MAPKAPK2: variants seen among roughly 807,000 people sequenced by gnomAD.
MAPKAPK2 encodes MAP kinase-activated protein kinase 2.
Under a neutral mutation model 48.8 loss-of-function variants are expected in MAPKAPK2, and 9 were observed. That is an observed-to-expected ratio of 0.18 (90% confidence interval 0.11 to 0.32). MAPKAPK2 has a LOEUF of 0.32. Among genes scored for constraint, MAPKAPK2 ranks in the 10% least tolerant of loss-of-function variants. MAPKAPK2 has a pLI of 1.00. For missense variants in MAPKAPK2, 331 were observed against 498.3 expected (o/e 0.66, Z 3.20); for synonymous variants, 202 against 190.6 (o/e 1.06, Z -0.49).
chr1:206,685,602 G>T (rs1205480274), intron 1 of MAPKAPK2, 94 bp downstream of exon 1: 103 of 1,025,382 alleles, frequency 1.0e-4, no homozygotes, highest in Non-Finnish European at 1.2e-4. Context: ...GTCGCGGCGC[G>T]GGGCGGAGGG....
intron 1 of MAPKAPK2, among the ~76,000 whole-genome samples, chr1:206,717,326 A>G (rs1482901145): frequency 6.6e-6 from 1 of 152,212 alleles, no homozygotes; most frequent in Non-Finnish European, 1.5e-5. Context: ...TATTTGCTAT[A>G]TATAAAGTGC....
intron 1 of MAPKAPK2, among the ~76,000 whole-genome samples, chr1:206,710,667 T>G (rs1028277582): frequency 1.3e-5 from 2 of 152,038 alleles, no homozygotes; most frequent in Non-Finnish European, 2.9e-5. Context: ...CCAGAGGAGG[T>G]GACACTGCAG....
Position 206,685,337 on chromosome 1 carries a change from G to A in MAPKAPK2, c.108G>A (p.Pro36=). ...TGCCGCACCCCCCGGCGCAGCCGCCGCCGCCGCCCCCGCAGCAGTTCCCGC... is the reference window on the plus strand; with the variant it reads ...TGCCGCACCCCCCGGCGCAGCCGCCACCGCCGCCCCCGCAGCAGTTCCCGC... ...PALPHPPAQP[P]PPPPQQFPQF... is the part of the protein sequence containing the mutation. The change falls in exon 1 of 10, where the codon CCG becomes CCA. Residue 36 remains proline, a synonymous_variant. Transcript: ENST00000367103. The A allele has an allele frequency of 8.2e-7, 1 of 1,212,644 alleles. No homozygotes were observed. The highest frequency in any genetic ancestry group is 1.1e-6 in the Non-Finnish European group (1 of 923,448). 75.1% of individuals were successfully genotyped at this position (1,212,644 alleles called of 1,614,324 possible). A position where few individuals can be genotyped will look rare whatever the true frequency, so the allele number is the denominator to read the frequency against.
intron 1 of MAPKAPK2, among the ~76,000 whole-genome samples, chr1:206,691,844 C>T (rs1672471062): frequency 6.6e-6 from 1 of 152,152 alleles, no homozygotes; most frequent in Admixed American, 6.5e-5. Context: ...AGCTTAGTGC[C>T]TGGCTCCAGG....
At chr1:206,702,387 G>A (rs1017338273) in intron 1 of MAPKAPK2, among the ~76,000 whole-genome samples, 3 of 152,178 alleles carry the variant, frequency 2.0e-5, no homozygotes, top group African/African-American at 4.8e-5. Flanking sequence ...GGGCTCTAGG[G>A]AGATGCAGAG....
chr1:206,724,420 G>A (rs1243292023), intron 1 of MAPKAPK2, among the ~76,000 whole-genome samples: 2 of 152,154 alleles, frequency 1.3e-5, no homozygotes, highest in Non-Finnish European at 2.9e-5. Context: ...GGCACTTCAG[G>A]GCTGTGCCCC....
Position 206,729,968 on chromosome 1 carries a change from G to A in MAPKAPK2, c.565-4G>A, listed in dbSNP as rs1553432388. On this transcript the variant is annotated splice_region_variant and splice_polypyrimidine_tract_variant and intron_variant, in intron 4 of 9. Coordinates refer to ENST00000367103, the MANE Select transcript of MAPKAPK2 (RefSeq NM_032960.4). Reference sequence around the variant, plus strand: ...TTGCTATTTTTCTGTCTCTCTTTCTGTAGCCTGAGAATCTCTTATACACCT... The same window carrying A: ...TTGCTATTTTTCTGTCTCTCTTTCTATAGCCTGAGAATCTCTTATACACCT... 6.2e-7 allele frequency: 1 copy of A among 1,614,202 alleles called. No individual in the cohort carries two copies. The highest frequency in any genetic ancestry group is 2.2e-5 in the East Asian group (1 of 44,886).
intron 1 of MAPKAPK2, among the ~76,000 whole-genome samples, chr1:206,717,613 C>T (rs1553430564): frequency 6.6e-6 from 1 of 152,142 alleles, no homozygotes; most frequent in African/African-American, 2.4e-5. Flanking sequence ...CAAGTGTGGC[C>T]TCTGACCTAG....
At position 206,731,037 on chromosome 1, in the gene MAPKAPK2, A is replaced by G; in HGVS notation, c.768-101A>G. 1 of 1,494,588 alleles carries G rather than the reference A, an allele frequency of 6.7e-7. No homozygotes were observed. Among genetic ancestry groups the G allele is most frequent in the East Asian group, 2.3e-5 (1 of 44,048 alleles). The allele number at this position is 1,494,588 out of a possible 1,614,324, so 92.6% of individuals were successfully genotyped here. On this transcript the variant is annotated intron_variant, in intron 6 of 9. Transcript: ENST00000367103. The surrounding 1 kb of genome is among the most constrained non-coding windows in gnomAD (Gnocchi z 5.9). ...GTCAATAAGCCCTGATTTCTCTGTG[A>G]CCTTTACAAGGAGAAGAGCCTGTTT...
Position 206,734,120 on chromosome 1 carries a change from G to A in MAPKAPK2, c.*1402G>A, listed in dbSNP as rs1424216312. The stretch of plus-strand genomic sequence containing the variant: ...TACTTCACCTTTCCTCTCCCTCAGG[G>A]GCAGGTGGTGGAGGGGCGCCCAGGG... On this transcript the variant is annotated 3_prime_UTR_variant, in exon 10 of 10. Transcript: ENST00000367103. 6.5e-6 allele frequency: 1 copy of A among 152,800 alleles called. No individual in the cohort carries two copies. Among genetic ancestry groups the A allele is most frequent in the African/African-American group, 2.4e-5 (1 of 41,472 alleles). The allele number at this position is 152,800 out of a possible 1,614,324, so 9.5% of individuals were successfully genotyped here.
In MAPKAPK2 at chr1:206,729,211, C is replaced by G. The variant is rs577972159; in HGVS notation, c.484+112C>G. The G allele has an allele frequency of 3.1e-5, 39 of 1,242,064 alleles. No homozygotes were observed. The African/African-American group carries it at 5.6e-4, about 18-fold the overall frequency. The allele number at this position is 1,242,064 out of a possible 1,614,324, so 76.9% of individuals were successfully genotyped here. On this transcript the variant is annotated intron_variant, in intron 3 of 9. Coordinates refer to ENST00000367103, the MANE Select transcript of MAPKAPK2 (RefSeq NM_032960.4). ...AAGGGTGCTGAGGCTGCTGCCCCCT[C>G]CAGCATGCTGCAAGGGGTGCCTCAG...
At position 206,685,350 on chromosome 1, in the gene MAPKAPK2, C is replaced by G; in HGVS notation, c.121C>G (p.Gln41Glu). The change falls in exon 1 of 10, where the codon CAG becomes GAG. Residue 41 changes from glutamine (Q) to glutamate (E), a missense_variant. This residue lies in a region of MAPKAPK2 where 93 missense variants were observed against 81.0 expected (regional missense o/e 1.15). Transcript: ENST00000367103. ...PPAQPPPPPP[Q>E]QFPQFHVKSG... is the part of the protein sequence containing the mutation. ...GGCGCAGCCGCCGCCGCCGCCCCCGCAGCAGTTCCCGCAGTTCCACGTCAA... is the reference window on the plus strand; with the variant it reads ...GGCGCAGCCGCCGCCGCCGCCCCCGGAGCAGTTCCCGCAGTTCCACGTCAA... 1 of 1,498,996 alleles carries G rather than the reference C, an allele frequency of 6.7e-7. No homozygotes were observed. The highest frequency in any genetic ancestry group is 9.0e-7 in the Non-Finnish European group (1 of 1,116,528). 92.9% of individuals were successfully genotyped at this position (1,498,996 alleles called of 1,614,324 possible).
rs1022010181 is a variant in MAPKAPK2, at chr1:206,730,566, C to T, written c.692-122C>T. 7.3e-6 allele frequency: 6 copies of T among 817,406 alleles called. No individual in the cohort carries two copies. In the Admixed American group the frequency reaches 1.2e-4, roughly 16 times the overall value. 50.6% of individuals were successfully genotyped at this position (817,406 alleles called of 1,614,324 possible). On this transcript the variant is annotated intron_variant, in intron 5 of 9. Transcript: ENST00000367103. ...TGGGCTTTGGCTCTTCCTTCTGTGCCCCAACTGCTGCCACCTCATGATAGG... is the reference window on the plus strand; with the variant it reads ...TGGGCTTTGGCTCTTCCTTCTGTGCTCCAACTGCTGCCACCTCATGATAGG...
Position 206,729,024 on chromosome 1 carries a change from C to T in MAPKAPK2, c.420-11C>T. 2.5e-6 allele frequency: 4 copies of T among 1,614,062 alleles called. No homozygotes were observed. Among genetic ancestry groups the T allele is most frequent in the Non-Finnish European group, 3.4e-6 (4 of 1,179,926 alleles). Reference sequence around the variant, plus strand: ...TTGTGTTCTCTGGATCTCACTGTGGCTTCATTTCAGTTTGGACGGTGGAGA... The same window carrying T: ...TTGTGTTCTCTGGATCTCACTGTGGTTTCATTTCAGTTTGGACGGTGGAGA... On this transcript the variant is annotated splice_polypyrimidine_tract_variant and intron_variant, in intron 2 of 9. Coordinates refer to ENST00000367103, the MANE Select transcript of MAPKAPK2 (RefSeq NM_032960.4).
chr1:206,703,320 A>C (rs1047116736), intron 1 of MAPKAPK2, among the ~76,000 whole-genome samples: 5 of 152,256 alleles, frequency 3.3e-5, no homozygotes, highest in Non-Finnish European at 5.9e-5. Context: ...AATCCTGCCC[A>C]GTTAGAGAAG....
intron 1 of MAPKAPK2, among the ~76,000 whole-genome samples, chr1:206,705,018 T>G (rs1553428369): frequency 6.6e-6 from 1 of 152,224 alleles, no homozygotes; most frequent in East Asian, 1.9e-4. Context: ...TCTGTTTAAC[T>G]TTGTTTAACC....
At chr1:206,729,127 T>TGCAG (rs782077753) in intron 3 of MAPKAPK2, 28 bp downstream of exon 3, 153 of 1,610,928 alleles carry the variant, frequency 9.5e-5, no homozygotes, top group Non-Finnish European at 1.3e-4. Context: ...TGGGAGCACG[T>TGCAG]GCAGGCAGGC....
At position 206,731,623 on chromosome 1, in the gene MAPKAPK2, C is replaced by A. The variant is rs782141724; in HGVS notation, c.893-17C>A. 2 of 1,603,968 alleles carry A rather than the reference C, an allele frequency of 1.2e-6. No individual in the cohort carries two copies. The highest frequency in any genetic ancestry group is 1.1e-5 in the South Asian group (1 of 90,864). On this transcript the variant is annotated splice_polypyrimidine_tract_variant and intron_variant, in intron 7 of 9. Coordinates refer to ENST00000367103, the MANE Select transcript of MAPKAPK2 (RefSeq NM_032960.4). The surrounding 1 kb of genome is among the most constrained non-coding windows in gnomAD (Gnocchi z 5.9). Reference sequence around the variant, plus strand: ...AGTGACCCCTGAGCTGTCACTGCCCCCTGTCCCACCCCACAGTGAAGATGC... The same window carrying A: ...AGTGACCCCTGAGCTGTCACTGCCCACTGTCCCACCCCACAGTGAAGATGC...
intron 1 of MAPKAPK2, among the ~76,000 whole-genome samples, chr1:206,723,531 G>T (rs4845131): frequency 0.48 from 73,586 of 151,902 alleles, 18,027 homozygotes; most frequent in East Asian, 0.61. Context: ...TGTGAAGGGG[G>T]TCCTCCTGAG....
Sources: allele counts gnomAD v4.1 joint callset (sites outside exome capture counted in the v4.1 genomes callset), GRCh38; gene constraint gnomAD v4.1.1; regional missense constraint gnomAD v4.1.1; non-coding constraint Gnocchi (gnomAD v3.1); transcripts MANE v1.5; gene names NCBI Gene and HGNC (gene_info 2026-07-23, HGNC 2026-07-21).